Variants in DRC1 observed in about 807,000 individuals in gnomAD.
DRC1 encodes dynein regulatory complex protein 1.
Under a neutral mutation model 98.7 loss-of-function variants are expected in DRC1, and 74 were observed. The observed-to-expected ratio is 0.75, with a 90% confidence interval of 0.62 to 0.91. DRC1 has a LOEUF of 0.91. DRC1 is among the 40% of genes least tolerant of loss of function. The probability of loss-of-function intolerance (pLI) is 0.00; values close to 1 mark genes in which losing one functional copy is unlikely to be tolerated. For missense variants in DRC1, 875 were observed against 886.0 expected (o/e 0.99, Z 0.16); for synonymous variants, 336 against 334.1 (o/e 1.01, Z -0.06).
At chr2:26,418,573 AT>A (rs1250674726) in intron 2 of DRC1, among the ~76,000 whole-genome samples, 2 of 102,006 alleles carry the variant, frequency 2.0e-5, no homozygotes, top group South Asian at 2.5e-4. Flanking sequence ...TATAATATAT[AT>A]TATATATAAA....
intron 1 of DRC1, among the ~76,000 whole-genome samples, chr2:26,409,748 T>G (rs1678537853): frequency 6.6e-6 from 1 of 152,242 alleles, no homozygotes; most frequent in African/African-American, 2.4e-5. Context: ...TGTTTTATCA[T>G]TAGCTTGATT....
chr2:26,404,940 A>C (rs1239959348), intron 1 of DRC1, among the ~76,000 whole-genome samples: 1 of 152,110 alleles, frequency 6.6e-6, no homozygotes, highest in African/African-American at 2.4e-5. Context: ...AATCCTAAAC[A>C]TTTCTGGGTA....
chr2:26,422,653 C>T (rs1474184597), intron 3 of DRC1, among the ~76,000 whole-genome samples: 3 of 152,166 alleles, frequency 2.0e-5, no homozygotes, highest in Non-Finnish European at 4.4e-5. Flanking sequence ...GGGTGGCCCA[C>T]GCATGTAATC....
intron 2 of DRC1, 94 bp from the exon 3 acceptor site, chr2:26,421,194 A>G (rs1416786627): frequency 7.4e-6 from 8 of 1,078,162 alleles, no homozygotes; most frequent in African/African-American, 1.6e-5. Context: ...TTGAATGGAT[A>G]GAAGCTGCGG....
rs202080828 is a variant in DRC1 at position 26,414,417 on chromosome 2, G to A, written c.229G>A (p.Glu77Lys). 1 of 1,613,660 alleles carries A rather than the reference G, an allele frequency of 6.2e-7. No homozygotes were observed. Among genetic ancestry groups the A allele is most frequent in the Middle Eastern group, 1.6e-4 (1 of 6,062 alleles). The part of the protein sequence containing the change: ...EDQSKSYKQK[E>K]ESRLKLAKLL... ...TCAAAGCAAGAGCTACAAACAGAAA[G>A]AAGAAAGCCGATTGGTATGAACTGG... The change falls in exon 2 of 17, where the codon GAA becomes AAA. Residue 77 changes from glutamate (E) to lysine (K), a missense_variant. Coordinates refer to ENST00000288710, the MANE Select transcript of DRC1 (RefSeq NM_145038.5).
intron 1 of DRC1, 89 bp from the exon 2 acceptor site, chr2:26,414,255 G>T (rs1206221639): frequency 7.5e-7 from 1 of 1,328,582 alleles, no homozygotes; most frequent in Non-Finnish European, 1.1e-6. Context: ...GGGATTACAG[G>T]CATGAGCTAC....
Position 26,454,908 on chromosome 2 carries a change from T to C in DRC1, c.2063+118T>C. ...TGAACCTGGGAGGGAAGAGCTGCCC[T>C]TGGCATCTCCTGTGTGGGTGGATCA... On this transcript the variant is annotated intron_variant, in intron 15 of 16. Transcript: ENST00000288710. The surrounding 1 kb of genome is among the most constrained non-coding windows in gnomAD (Gnocchi z 5.2). The C allele has an allele frequency of 6.6e-7, 1 of 1,520,748 alleles. No homozygotes were observed. The highest frequency in any genetic ancestry group is 9.0e-7 in the Non-Finnish European group (1 of 1,113,080). The allele number at this position is 1,520,748 out of a possible 1,614,324, so 94.2% of individuals were successfully genotyped here.
intron 7 of DRC1, 31 bp from the exon 8 acceptor site, chr2:26,440,339 GTGTGTGTA>G (rs755289126): frequency 4.6e-6 from 7 of 1,536,970 alleles, no homozygotes; most frequent in East Asian, 4.9e-5. Context: ...GTGTGTGTGT[GTGTGTGTA>G]TATATATATA....
intron 2 of DRC1, 170 bp from the exon 3 acceptor site, chr2:26,421,118 C>G (rs1402804609): frequency 4.0e-6 from 2 of 505,542 alleles, no homozygotes; most frequent in East Asian, 7.3e-5. Flanking sequence ...CACAAATGTC[C>G]TGATAGAAAA....
At chr2:26,455,037 A>G in intron 15 of DRC1, 94 bp from the exon 16 acceptor site, 1 of 1,463,528 alleles carries the variant, frequency 6.8e-7, no homozygotes, top group Non-Finnish European at 9.6e-7. Flanking sequence ...GTCTCCCTCC[A>G]CCTGTAGCCA....
chr2:26,446,165 C>T (rs895575036), intron 10 of DRC1, among the ~76,000 whole-genome samples: 7 of 142,336 alleles, frequency 4.9e-5, no homozygotes, highest in Admixed American at 7.2e-5. Context: ...GGTGGGATCT[C>T]GGCTCACTGC....
chr2:26,429,318 C>T (rs184817462), intron 4 of DRC1, among the ~76,000 whole-genome samples: 215 of 151,944 alleles, frequency 1.4e-3, no homozygotes, highest in South Asian at 2.1e-3. Context: ...TGGGCTCAAG[C>T]GATCCTCCCA....
rs138497746 is a variant in DRC1 at position 26,440,319 on chromosome 2, TTGTGTG to T, written c.889-37_889-32del. 75 of 1,267,838 alleles carry T rather than the reference TTGTGTG, an allele frequency of 5.9e-5. No individual in the cohort carries two copies. The East Asian group carries it at 6.3e-4, about 11-fold the overall frequency. The allele number at this position is 1,267,838 out of a possible 1,614,324, so 78.5% of individuals were successfully genotyped here. ...GGATGCAGGTGTAGAGTTAGTGTGT[TTGTGTG>T]TGTGTGTGTGTGTGTGTGTGTATAT... On this transcript the variant is annotated intron_variant, in intron 7 of 16. Coordinates refer to ENST00000288710, the MANE Select transcript of DRC1 (RefSeq NM_145038.5).
At chr2:26,402,303 C>A (rs541618657) in intron 1 of DRC1, among the ~76,000 whole-genome samples, 159 bp downstream of exon 1, 81 of 152,348 alleles carry the variant, frequency 5.3e-4, no homozygotes, top group African/African-American at 1.9e-3. Context: ...CATCCCAGCA[C>A]TTAGGGAGGC....
chr2:26,408,725 C>T (rs1206788073), intron 1 of DRC1, among the ~76,000 whole-genome samples: 2 of 151,900 alleles, frequency 1.3e-5, no homozygotes, highest in Admixed American at 6.6e-5. Context: ...GAGCCGAGAT[C>T]GTGCCACTAC....
intron 7 of DRC1, among the ~76,000 whole-genome samples, chr2:26,432,462 G>A (rs1386926204): frequency 1.3e-5 from 2 of 151,804 alleles, no homozygotes; most frequent in African/African-American, 4.9e-5. Context: ...TCATACCACT[G>A]CACTCCAGCC....
intron 7 of DRC1, among the ~76,000 whole-genome samples, chr2:26,435,836 C>T (rs929592335): frequency 1.9e-4 from 29 of 151,902 alleles, no homozygotes; most frequent in African/African-American, 6.8e-4. Context: ...ATACGTACCA[C>T]ATTTTAAAAA....
chr2:26,418,873 A>ATATATTATATATAT (rs1185178380), intron 2 of DRC1, among the ~76,000 whole-genome samples: 7 of 140,432 alleles, frequency 5.0e-5, no homozygotes, highest in Non-Finnish European at 1.1e-4. Flanking sequence ...ATACAACATT[A>ATATATTATATATAT]TATATTATAT....
Position 26,442,468 on chromosome 2 carries a change from T to C in DRC1, c.1029-1754T>C, listed in dbSNP as rs570534170. ...TATTTGCTCTTCTTTCTTAATGTATTTGTTTCCTTTGGTGGTTCTGCTTTT... is the reference window on the plus strand; with the variant it reads ...TATTTGCTCTTCTTTCTTAATGTATCTGTTTCCTTTGGTGGTTCTGCTTTT... On this transcript the variant is annotated intron_variant, in intron 8 of 16. Coordinates refer to ENST00000288710, the MANE Select transcript of DRC1 (RefSeq NM_145038.5). Among the ~76,000 whole-genome samples, 3 of 152,300 alleles carry C rather than the reference T, an allele frequency of 2.0e-5. No homozygotes were observed. The South Asian group carries it at 6.2e-4, about 32-fold the overall frequency.
Sources: gnomAD v4.1 joint callset for allele counts (sites outside exome capture counted in the v4.1 genomes callset) on GRCh38, gnomAD v4.1.1 for gene constraint, Gnocchi (gnomAD v3.1) non-coding constraint, MANE v1.5 for transcripts, NCBI Gene and HGNC (gene_info 2026-07-23, HGNC 2026-07-21) for gene names.